Variants in GPATCH8 observed in about 807,000 individuals in gnomAD.
GPATCH8 encodes the protein G patch domain-containing protein 8.
In GPATCH8, 18 loss-of-function variants were observed where a neutral mutation model predicts 118.3. The observed-to-expected ratio is 0.15, with a 90% CI of 0.11 to 0.23. The LOEUF (loss-of-function observed/expected upper bound fraction) is 0.23. GPATCH8 is among the 10% of genes least tolerant of loss of function. The pLI, the probability that GPATCH8 is intolerant of heterozygous loss-of-function variation, is 1.00. For synonymous variants in GPATCH8, 659 were observed against 684.7 expected (o/e 0.96, Z 0.59); for missense variants, 1,631 against 1,873.8 (o/e 0.87, Z 2.39).
intron 3 of GPATCH8, among the ~76,000 whole-genome samples, chr17:44,448,284 A>AT (rs1374326510): frequency 3.9e-5 from 6 of 152,054 alleles, no homozygotes; most frequent in Non-Finnish European, 7.4e-5. Context: ...CAGGCTGGGT[A>AT]TGGTGGCTCA....
intron 2 of GPATCH8, among the ~76,000 whole-genome samples, chr17:44,468,809 G>C (rs1967035813): frequency 6.6e-6 from 1 of 151,974 alleles, no homozygotes. Flanking sequence ...AAGTCAACTT[G>C]ATATAATTTA....
intron 4 of GPATCH8, among the ~76,000 whole-genome samples, chr17:44,435,697 G>A (rs1484625575): frequency 1.1e-4 from 16 of 144,802 alleles, no homozygotes; most frequent in African/African-American, 3.0e-4. Context: ...GATTACAGGC[G>A]TGAGCCACTG....
intron 2 of GPATCH8, chr17:44,467,174 G>GTTTTTTTTT: frequency 1.9e-6 from 1 of 521,752 alleles, no homozygotes. Context: ...ACTAATGGTC[G>GTTTTTTTTT]TTTTTTTTTT....
At chr17:44,446,190 T>A (rs2050874094) in intron 3 of GPATCH8, among the ~76,000 whole-genome samples, 1 of 152,078 alleles carries the variant, frequency 6.6e-6, no homozygotes, top group African/African-American at 2.4e-5. Flanking sequence ...CCTCGAGTTA[T>A]CCTTCTGCCT....
Position 44,474,974 on chromosome 17 carries a change from C to G in GPATCH8, c.46-71G>C. Reference sequence around the variant, plus strand: ...CAAATCTATTAACAGCTTAACCAAACTAAGGATTATTTTTAACTTTTCTTT... The same window carrying G: ...CAAATCTATTAACAGCTTAACCAAAGTAAGGATTATTTTTAACTTTTCTTT... On this transcript the variant is annotated intron_variant, in intron 1 of 7. Coordinates refer to ENST00000591680, the MANE Select transcript of GPATCH8 (RefSeq NM_001002909.4). The G allele has an allele frequency of 4.0e-6, 3 of 759,282 alleles. No individual in the cohort carries two copies. In the South Asian group the frequency reaches 4.4e-5, roughly 11 times the overall value. 47.0% of individuals were successfully genotyped at this position (759,282 alleles called of 1,614,324 possible).
chr17:44,467,600 C>T (rs975973853), intron 2 of GPATCH8, among the ~76,000 whole-genome samples: 1 of 152,124 alleles, frequency 6.6e-6, no homozygotes, highest in Non-Finnish European at 1.5e-5. Context: ...CAGAATCTCT[C>T]CTCCCCTCAC....
rs2048745405 is a variant in GPATCH8, at chr17:44,395,413, A to G, written c.*2155T>C. ...AAGGTTTATTTTTATTTTTACTTTT[A>G]AAATCACTATTCTGGAAGTTAAAGA... is the stretch of plus-strand genomic sequence containing the variant. On this transcript the variant is annotated 3_prime_UTR_variant, in exon 8 of 8. Transcript: ENST00000591680. 2.2e-6 allele frequency: 1 copy of G among 453,308 alleles called. No individual in the cohort carries two copies. The highest frequency in any genetic ancestry group is 4.4e-6 in the Non-Finnish European group (1 of 226,502). The allele number at this position is 453,308 out of a possible 1,614,324, so 28.1% of individuals were successfully genotyped here.
intron 1 of GPATCH8, among the ~76,000 whole-genome samples, chr17:44,480,046 CAATGAATGCTGAACA>C (rs780656437): frequency 3.3e-5 from 5 of 151,228 alleles, no homozygotes; most frequent in Non-Finnish European, 5.9e-5. Context: ...AATCAGAAAC[CAATGAATGCTGAACA>C]AATCCATACC....
rs77247037 is a variant in GPATCH8, at chr17:44,494,931, C to T, written c.45+8395G>A. 6.5e-3 allele frequency among the ~76,000 whole-genome samples: 986 copies of T among 152,292 alleles called. 6 individuals carry two copies. Among genetic ancestry groups the T allele is most frequent in the Non-Finnish European group, 0.01 (704 of 68,006 alleles). ...CCTAAAAAAACAAATTCTGTTTGTT[C>T]CACTTCTTTACTTTTGTCCTGGCTA... On this transcript the variant is annotated intron_variant, in intron 1 of 7. Coordinates refer to ENST00000591680, the MANE Select transcript of GPATCH8 (RefSeq NM_001002909.4).
chr17:44,444,909 G>A (rs186474563), intron 3 of GPATCH8, among the ~76,000 whole-genome samples: 18 of 152,286 alleles, frequency 1.2e-4, no homozygotes, highest in Non-Finnish European at 1.8e-4. Context: ...GAACATGTTC[G>A]TAGCGGGTCT....
chr17:44,426,047 T>C (rs1314730938), intron 5 of GPATCH8, among the ~76,000 whole-genome samples: 1 of 152,154 alleles, frequency 6.6e-6, no homozygotes, highest in Non-Finnish European at 1.5e-5. Flanking sequence ...GAGGGAAATG[T>C]AGTAGAAGCC....
chr17:44,427,708 T>A (rs1471816821), intron 5 of GPATCH8, among the ~76,000 whole-genome samples: 1 of 152,142 alleles, frequency 6.6e-6, no homozygotes, highest in Non-Finnish European at 1.5e-5. Flanking sequence ...GTACATAATA[T>A]AATAATTAAA....
intron 1 of GPATCH8, among the ~76,000 whole-genome samples, chr17:44,479,529 A>C (rs1489648006): frequency 1.3e-5 from 2 of 152,232 alleles, no homozygotes; most frequent in Non-Finnish European, 2.9e-5. Flanking sequence ...TGAATAAAAA[A>C]AGAACCCAAA....
In GPATCH8 at chr17:44,503,318, G is replaced by A. The variant is rs1970236500; in HGVS notation, c.45+8C>T. On this transcript the variant is annotated splice_region_variant and intron_variant, in intron 1 of 7. Transcript: ENST00000591680. Reference sequence around the variant, plus strand: ...CTTCCCCGCATCCTCGGCGACGCCCGTGTTTACCTGAAAGTCTCGGTCTTC... The same window carrying A: ...CTTCCCCGCATCCTCGGCGACGCCCATGTTTACCTGAAAGTCTCGGTCTTC... 1 of 1,608,974 alleles carries A rather than the reference G, an allele frequency of 6.2e-7. No homozygotes were observed. Among genetic ancestry groups the A allele is most frequent in the Non-Finnish European group, 8.5e-7 (1 of 1,177,668 alleles).
chr17:44,443,084 GAA>G (rs1047004850), intron 3 of GPATCH8, among the ~76,000 whole-genome samples: 120 of 152,168 alleles, frequency 7.9e-4, no homozygotes, highest in African/African-American at 2.8e-3. Context: ...TCGAAAAAGA[GAA>G]AAGAGGGGAA....
At chr17:44,494,773 G>A (rs868223668) in intron 1 of GPATCH8, among the ~76,000 whole-genome samples, 1 of 152,072 alleles carries the variant, frequency 6.6e-6, no homozygotes, top group Non-Finnish European at 1.5e-5. Context: ...TAAGAAAGAG[G>A]GCTTTGACTG....
rs2048767638 is a variant in GPATCH8 at position 44,396,025 on chromosome 17, G to C, written c.*1543C>G. On this transcript the variant is annotated 3_prime_UTR_variant, in exon 8 of 8. Coordinates refer to ENST00000591680, the MANE Select transcript of GPATCH8 (RefSeq NM_001002909.4). ...TACTGTCTAAACTGAGCTGGGCAGA[G>C]GGCATGGAAACTATGAAGCAAAATA... 2.2e-6 allele frequency: 1 copy of C among 454,384 alleles called. No individual in the cohort carries two copies. Among genetic ancestry groups the C allele is most frequent in the Admixed American group, 2.4e-5 (1 of 42,536 alleles). 28.1% of individuals were successfully genotyped at this position (454,384 alleles called of 1,614,324 possible).
chr17:44,494,500 G>C (rs576211942), intron 1 of GPATCH8, among the ~76,000 whole-genome samples: 3 of 152,272 alleles, frequency 2.0e-5, no homozygotes, highest in African/African-American at 7.2e-5. Context: ...GCTGAGGCAG[G>C]AGAATCATTT....
At chr17:44,482,838 C>T (rs1968380036) in intron 1 of GPATCH8, among the ~76,000 whole-genome samples, 1 of 145,608 alleles carries the variant, frequency 6.9e-6, no homozygotes, top group Non-Finnish European at 1.5e-5. Flanking sequence ...ACATTAGAAG[C>T]TTGTAGTAGA....
Sources: allele counts gnomAD v4.1 joint callset (sites outside exome capture counted in the v4.1 genomes callset), GRCh38; gene constraint gnomAD v4.1.1; transcripts MANE v1.5; gene names NCBI Gene and HGNC (gene_info 2026-07-23, HGNC 2026-07-21).